TSPAN31: variants seen among roughly 807,000 people sequenced by gnomAD.
TSPAN31 encodes tetraspanin-31.
In TSPAN31, 16 loss-of-function variants were observed where a neutral mutation model predicts 24.8. The observed-to-expected ratio is 0.64, with a 90% CI of 0.44 to 0.98. The LOEUF is 0.98. TSPAN31 is among the 50% of genes least tolerant of loss of function. The pLI is 0.00. For missense variants in TSPAN31, 209 were observed against 251.6 expected, an observed-to-expected ratio of 0.83 and a Z score of 1.15; for synonymous variants, 87 against 91.4, an observed-to-expected ratio of 0.95 and a Z score of 0.27.
In TSPAN31 at chr12:57,748,713, T is replaced by TC. The variant is rs1484923066; in HGVS notation, c.*1423_*1424insC. 2.3e-6 allele frequency: 2 copies of TC among 879,404 alleles called. No homozygotes were observed. The highest frequency in any genetic ancestry group is 3.8e-5 in the Admixed American group (2 of 52,136). The allele number at this position is 879,404 out of a possible 1,614,324, so 54.5% of individuals were successfully genotyped here. A position where few individuals can be genotyped will look rare whatever the true frequency, so the allele number is the denominator to read the frequency against. On this transcript the variant is annotated 3_prime_UTR_variant, in exon 6 of 6. Transcript: ENST00000257910. ...GATGAGCTTTCTTCTTTTTTCTTTT[T>TC]TTTTTTTTTTGAGACGGAGTCTCGC...
intron 3 of TSPAN31, 104 bp from the exon 4 acceptor site, chr12:57,746,485 T>G: frequency 7.1e-7 from 1 of 1,416,832 alleles, no homozygotes; most frequent in Non-Finnish European, 1.0e-6. Flanking sequence ...TTGCACACCG[T>G]TATGCTTCTG....
At chr12:57,746,109 A>G in intron 2 of TSPAN31, 67 bp from the exon 3 acceptor site, 1 of 1,494,592 alleles carries the variant, frequency 6.7e-7, no homozygotes, top group Non-Finnish European at 9.3e-7. Context: ...AACAGATGAG[A>G]CCAGACAGTT....
rs964351861 is a variant in TSPAN31 at position 57,749,636 on chromosome 12, G to T, written c.*2346G>T. On this transcript the variant is annotated 3_prime_UTR_variant, in exon 6 of 6. Coordinates refer to ENST00000257910, the MANE Select transcript of TSPAN31 (RefSeq NM_005981.5). ...AATTCCAGCACTTTGGGATGCTGAG[G>T]TGAGAGGACTGCTTGAGCCCAGGAG... 1.3e-5 allele frequency: 11 copies of T among 842,898 alleles called. No individual in the cohort carries two copies. The Admixed American group carries it at 2.2e-4, about 17-fold the overall frequency. The allele number at this position is 842,898 out of a possible 1,614,324, so 52.2% of individuals were successfully genotyped here.
chr12:57,748,746 C>T lies in TSPAN31; in HGVS notation c.*1456C>T. The T allele has an allele frequency of 1.4e-6, 1 of 690,464 alleles. No individual in the cohort carries two copies. The highest frequency in any genetic ancestry group is 2.8e-5 in the East Asian group (1 of 36,278). 42.8% of individuals were successfully genotyped at this position (690,464 alleles called of 1,614,324 possible). ...TTTGAGACGGAGTCTCGCTCTATCA[C>T]CCAGGCTGGAGTGCAATGGTATGAT... On this transcript the variant is annotated 3_prime_UTR_variant, in exon 6 of 6. Coordinates refer to ENST00000257910, the MANE Select transcript of TSPAN31 (RefSeq NM_005981.5).
chr12:57,749,648 C>G lies in TSPAN31; in HGVS notation c.*2358C>G, dbSNP rs185740819. Reference sequence around the variant, plus strand: ...TTGGGATGCTGAGGTGAGAGGACTGCTTGAGCCCAGGAGTTCTAGATCAGC... The same window carrying G: ...TTGGGATGCTGAGGTGAGAGGACTGGTTGAGCCCAGGAGTTCTAGATCAGC... On this transcript the variant is annotated 3_prime_UTR_variant, in exon 6 of 6. Coordinates refer to ENST00000257910, the MANE Select transcript of TSPAN31 (RefSeq NM_005981.5). The G allele has an allele frequency of 2.1e-3, 1,688 of 790,854 alleles. 7 individuals carry two copies. The highest frequency in any genetic ancestry group is 2.1e-3 in the Non-Finnish European group (937 of 455,916). The allele number at this position is 790,854 out of a possible 1,614,324, so 49.0% of individuals were successfully genotyped here.
chr12:57,746,843 G>C, intron 4 of TSPAN31, 123 bp downstream of exon 4: 1 of 1,464,092 alleles, frequency 6.8e-7, no homozygotes, highest in Non-Finnish European at 9.4e-7. Context: ...TCTTGTATTG[G>C]GGCTGTGTTG....
Position 57,749,703 on chromosome 12 carries a change from T to TA in TSPAN31, c.*2422dup, listed in dbSNP as rs1373608940. The TA allele has an allele frequency of 4.6e-4, 285 of 620,656 alleles. 1 individual carries two copies. The highest frequency in any genetic ancestry group is 1.3e-3 in the East Asian group (45 of 35,636). The allele number at this position is 620,656 out of a possible 1,614,324, so 38.4% of individuals were successfully genotyped here. ...GCAAGCAAGACCTTGTCTCTTTTTT[T>TA]AAAAAAAAAGAAATGCCAGGTGCAG... On this transcript the variant is annotated 3_prime_UTR_variant, in exon 6 of 6. Coordinates refer to ENST00000257910, the MANE Select transcript of TSPAN31 (RefSeq NM_005981.5).
In TSPAN31 at chr12:57,749,122, T is replaced by G. The variant is rs1955197839; in HGVS notation, c.*1832T>G. ...CCACAGTGGCCAGGGCCCTGCATAC[T>G]GCTCTATTTCTTTCCCCAGTCTCTA... On this transcript the variant is annotated 3_prime_UTR_variant, in exon 6 of 6. Transcript: ENST00000257910. The G allele has an allele frequency of 5.0e-6, 8 of 1,606,742 alleles. No homozygotes were observed. Among genetic ancestry groups the G allele is most frequent in the Non-Finnish European group, 6.8e-6 (8 of 1,173,356 alleles).
At chr12:57,745,297 A>T in intron 1 of TSPAN31, 80 bp downstream of exon 1, 1 of 1,453,130 alleles carries the variant, frequency 6.9e-7, no homozygotes, top group South Asian at 1.2e-5. Flanking sequence ...CGGTGGGGAG[A>T]GGGGTGTATG....
chr12:57,746,752 G>A (rs750949996), intron 4 of TSPAN31, 32 bp downstream of exon 4: 1 of 1,613,332 alleles, frequency 6.2e-7, no homozygotes, highest in Non-Finnish European at 8.5e-7. Context: ...CAGCAGCCAG[G>A]GGAGGTAGGA....
rs984904928 is a variant in TSPAN31 at position 57,746,645 on chromosome 12, G to A, written c.369G>A (p.Leu123=). 6 of 1,613,984 alleles carry A rather than the reference G, an allele frequency of 3.7e-6. No homozygotes were observed. Among genetic ancestry groups the A allele is most frequent in the Non-Finnish European group, 5.1e-6 (6 of 1,180,026 alleles). The change falls in exon 4 of 6, where the codon CTG becomes CTA. Residue 123 remains leucine, a synonymous_variant. Coordinates refer to ENST00000257910, the MANE Select transcript of TSPAN31 (RefSeq NM_005981.5). ...TGAGCAACAAGACTCGGGATGAACTGGAAAGAAGTTTTGATTGTTGTGGCT... is the reference window on the plus strand; with the variant it reads ...TGAGCAACAAGACTCGGGATGAACTAGAAAGAAGTTTTGATTGTTGTGGCT... ...WVMSNKTRDE[L]ERSFDCCGLF...
In TSPAN31 at chr12:57,747,320, C is replaced by T. The variant is rs1365959915; in HGVS notation, c.*30C>T. 2 of 1,601,552 alleles carry T rather than the reference C, an allele frequency of 1.2e-6. No homozygotes were observed. The highest frequency in any genetic ancestry group is 1.7e-5 in the Admixed American group (1 of 59,918). On this transcript the variant is annotated 3_prime_UTR_variant, in exon 6 of 6. Transcript: ENST00000257910. ...TTGGATCCTTCTGACTTTTCTTCTG[C>T]TCTCTCTAAGCTTTCTCTTCCTCCC... is the stretch of plus-strand genomic sequence containing the variant.
intron 4 of TSPAN31, 74 bp downstream of exon 4, chr12:57,746,794 AT>A: frequency 1.9e-6 from 3 of 1,597,970 alleles, no homozygotes; most frequent in East Asian, 2.2e-5. Context: ...AAGTTGGCAA[AT>A]TTAGTTTGAA....
At chr12:57,745,344 G>A in intron 1 of TSPAN31, 127 bp downstream of exon 1, 3 of 1,088,272 alleles carry the variant, frequency 2.8e-6, no homozygotes, top group Non-Finnish European at 4.0e-6. Flanking sequence ...TTCCGGCGAC[G>A]AGGGAATTCC....
Position 57,749,598 on chromosome 12 carries a change from A to T in TSPAN31, c.*2308A>T. On this transcript the variant is annotated 3_prime_UTR_variant, in exon 6 of 6. Coordinates refer to ENST00000257910, the MANE Select transcript of TSPAN31 (RefSeq NM_005981.5). ...GTGGCTCAAAATAGGAAGTATAGGG[A>T]ATAAAGGCCAACAATTCCAGCACTT... 1.7e-6 allele frequency: 2 copies of T among 1,204,102 alleles called. No homozygotes were observed. Among genetic ancestry groups the T allele is most frequent in the Admixed American group, 3.6e-5 (2 of 55,142 alleles). The allele number at this position is 1,204,102 out of a possible 1,614,324, so 74.6% of individuals were successfully genotyped here. A position where few individuals can be genotyped will look rare whatever the true frequency, so the allele number is the denominator to read the frequency against.
chr12:57,745,119 G>C lies in TSPAN31; in HGVS notation c.-36G>C, dbSNP rs1254215208. 4.4e-6 allele frequency: 7 copies of C among 1,573,774 alleles called. No individual in the cohort carries two copies. The highest frequency in any genetic ancestry group is 4.0e-5 in the African/African-American group (3 of 74,174). ...ACGGTCCCCAATACCCTCCCCCCAAGTCCTTGGGACCACTTGGGTCCCCAG... is the reference window on the plus strand; with the variant it reads ...ACGGTCCCCAATACCCTCCCCCCAACTCCTTGGGACCACTTGGGTCCCCAG... On this transcript the variant is annotated 5_prime_UTR_variant, in exon 1 of 6. Transcript: ENST00000257910.
At chr12:57,745,353 C>A in intron 1 of TSPAN31, 136 bp downstream of exon 1, 1 of 971,000 alleles carries the variant, frequency 1.0e-6, no homozygotes, top group Non-Finnish European at 1.5e-6. Flanking sequence ...CGAGGGAATT[C>A]CTGGGGACTT....
chr12:57,745,727 C>A lies in TSPAN31; in HGVS notation c.64-18C>A. 6.2e-7 allele frequency: 1 copy of A among 1,613,934 alleles called. No homozygotes were observed. Among genetic ancestry groups the A allele is most frequent in the Non-Finnish European group, 8.5e-7 (1 of 1,179,958 alleles). On this transcript the variant is annotated intron_variant, in intron 1 of 5. Transcript: ENST00000257910. ...GCATGCTAGAATTGTTGAGATGTAT[C>A]CTGCTCTTTCTTCGTAGCTGGTGAG...
Position 57,748,219 on chromosome 12 carries a change from AT to A in TSPAN31, c.*931del. On this transcript the variant is annotated 3_prime_UTR_variant, in exon 6 of 6. Transcript: ENST00000257910. ...GGCAAAGCCAAACAGAGGAAGAAAC[AT>A]TAAAAAAAAAAAAAAGACCATTATT... 1 of 387,068 alleles carries A rather than the reference AT, an allele frequency of 2.6e-6. No homozygotes were observed. The highest frequency in any genetic ancestry group is 4.8e-6 in the Non-Finnish European group (1 of 210,068). The allele number at this position is 387,068 out of a possible 1,614,324, so 24.0% of individuals were successfully genotyped here. A position where few individuals can be genotyped will look rare whatever the true frequency, so the allele number is the denominator to read the frequency against.
Sources: allele counts gnomAD v4.1 joint callset, GRCh38; gene constraint gnomAD v4.1.1; transcripts MANE v1.5; gene names NCBI Gene and HGNC (gene_info 2026-07-23, HGNC 2026-07-21).